Variants in LACTB observed in about 807,000 individuals in gnomAD.
LACTB encodes lactamase beta, also known as serine beta-lactamase-like protein LACTB, mitochondrial.
LACTB carries 35 observed loss-of-function variants against 50.2 expected under a neutral mutation model. The observed-to-expected ratio is 0.70, with a 90% CI of 0.53 to 0.92. The LOEUF is 0.92. LACTB is among the 40% of genes least tolerant of loss of function. The pLI is 0.00. For synonymous variants in LACTB, 252 were observed against 268.2 expected, an observed-to-expected ratio of 0.94 and a Z score of 0.59; for missense variants, 664 against 691.8, an observed-to-expected ratio of 0.96 and a Z score of 0.45.
Position 63,141,846 on chromosome 15 carries a change from T to C in LACTB, c.*41T>C. ...AGGTGCAAAATGAGTTGTTCTGAGG[T>C]TTTTTTGAAACATTAAAGTTCCAAA... is the stretch of plus-strand genomic sequence containing the variant. On this transcript the variant is annotated 3_prime_UTR_variant, in exon 6 of 6. Coordinates refer to ENST00000261893, the MANE Select transcript of LACTB (RefSeq NM_032857.5). 1 of 1,510,428 alleles carries C rather than the reference T, an allele frequency of 6.6e-7. No individual in the cohort carries two copies. The highest frequency in any genetic ancestry group is 1.2e-5 in the South Asian group (1 of 80,612). 93.6% of individuals were successfully genotyped at this position (1,510,428 alleles called of 1,614,324 possible).
At chr15:63,127,945 A>G (rs374678370) in intron 4 of LACTB, among the ~76,000 whole-genome samples, 7 of 152,338 alleles carry the variant, frequency 4.6e-5, no homozygotes, top group East Asian at 1.9e-4. Context: ...AAACTTATGG[A>G]GAAATGTTGG....
At chr15:63,137,582 G>C (rs887363832) in intron 5 of LACTB, among the ~76,000 whole-genome samples, 6 of 152,132 alleles carry the variant, frequency 3.9e-5, no homozygotes, top group Non-Finnish European at 8.8e-5. Context: ...CGTGTAAAAT[G>C]AGTTATCCAT....
At chr15:63,139,607 C>T (rs1057448775) in intron 5 of LACTB, among the ~76,000 whole-genome samples, 14 of 151,456 alleles carry the variant, frequency 9.2e-5, no homozygotes, top group Admixed American at 3.3e-4. Context: ...GAGCCAAGAT[C>T]GCGCCATTGC....
At chr15:63,124,630 C>T (rs2037024154) in intron 2 of LACTB, among the ~76,000 whole-genome samples, 1 of 151,858 alleles carries the variant, frequency 6.6e-6, no homozygotes, top group African/African-American at 2.4e-5. Context: ...ATTGGTCATC[C>T]TAGGTTTCTA....
At chr15:63,133,266 C>A (rs753170195) in intron 5 of LACTB, among the ~76,000 whole-genome samples, 2 of 152,272 alleles carry the variant, frequency 1.3e-5, no homozygotes, top group South Asian at 4.1e-4. Context: ...TTAATTTATG[C>A]TTTCTCTTAT....
At chr15:63,141,191 C>G in intron 5 of LACTB, 89 bp from the exon 6 acceptor site, 1 of 1,456,972 alleles carries the variant, frequency 6.9e-7, no homozygotes, top group Non-Finnish European at 9.1e-7. Context: ...CATTGAAATA[C>G]AATCTCTCTC....
At position 63,122,112 on chromosome 15, in the gene LACTB, G is replaced by A. The variant is rs1474135633; in HGVS notation, c.241G>A (p.Glu81Lys). ...APDPEASPLAEPPQEQSLAPW... is the reference protein window; with the variant it reads ...APDPEASPLAKPPQEQSLAPW... ...CGACCCTGAGGCGTCGCCTCTGGCC[G>A]AGCCGCCACAGGAGCAGTCCCTCGC... Residue 81 changes from glutamate to lysine, a missense_variant, in exon 1 of 6, where the codon GAG (glutamate) becomes AAG (lysine). Coordinates refer to ENST00000261893, the MANE Select transcript of LACTB (RefSeq NM_032857.5). 3 of 1,478,974 alleles carry A rather than the reference G, an allele frequency of 2.0e-6. No homozygotes were observed. Among genetic ancestry groups the A allele is most frequent in the East Asian group, 2.9e-5 (1 of 34,896 alleles). The allele number at this position is 1,478,974 out of a possible 1,614,324, so 91.6% of individuals were successfully genotyped here.
At chr15:63,136,607 C>A (rs1362016844) in intron 5 of LACTB, among the ~76,000 whole-genome samples, 1 of 151,784 alleles carries the variant, frequency 6.6e-6, no homozygotes, top group Non-Finnish European at 1.5e-5. Context: ...TCTATTTGGG[C>A]CTCTAAAACT....
intron 2 of LACTB, among the ~76,000 whole-genome samples, chr15:63,124,794 AAC>A (rs2037026879): frequency 6.6e-6 from 1 of 151,988 alleles, no homozygotes; most frequent in East Asian, 1.9e-4. Flanking sequence ...CTCTACTAAA[AAC>A]ACAAAAAATT....
At chr15:63,126,244 C>T (rs746136400) in intron 2 of LACTB, among the ~76,000 whole-genome samples, 5 of 152,116 alleles carry the variant, frequency 3.3e-5, no homozygotes, top group South Asian at 2.1e-4. Context: ...AAGGTTCAAG[C>T]GATTCTCCTG....
At chr15:63,134,859 G>A (rs1269491061) in intron 5 of LACTB, among the ~76,000 whole-genome samples, 3 of 151,288 alleles carry the variant, frequency 2.0e-5, no homozygotes, top group Non-Finnish European at 4.4e-5. Context: ...GTCAAAAGGA[G>A]AAATATATTC....
At position 63,141,364 on chromosome 15, in the gene LACTB, G is replaced by T; in HGVS notation, c.1203G>T (p.Leu401=). Residue 401 remains leucine (L), a synonymous_variant, in exon 6 of 6, where the codon CTG becomes CTT. Transcript: ENST00000261893. Reference sequence around the variant, plus strand: ...ATAAATGGGCTGGTGGTGGATTTCTGTCTACAGTGGGTGACCTTCTGAAAT... The same window carrying T: ...ATAAATGGGCTGGTGGTGGATTTCTTTCTACAGTGGGTGACCTTCTGAAAT... ...NSYKWAGGGF[L]STVGDLLKFG... 6.2e-7 allele frequency: 1 copy of T among 1,614,176 alleles called. No homozygotes were observed. Among genetic ancestry groups the T allele is most frequent in the Non-Finnish European group, 8.5e-7 (1 of 1,180,022 alleles).
chr15:63,124,700 C>T (rs1276886503), intron 2 of LACTB, among the ~76,000 whole-genome samples: 2 of 152,124 alleles, frequency 1.3e-5, no homozygotes, highest in East Asian at 3.8e-4. Flanking sequence ...CGCCTGTAAT[C>T]CTAGCACTTT....
chr15:63,131,134 T>TA (rs1430301896), intron 5 of LACTB: 1 of 152,062 alleles, frequency 6.6e-6, no homozygotes, highest in Non-Finnish European at 1.5e-5. Flanking sequence ...CTACTGAAAA[T>TA]ACAAAAAATC....
intron 5 of LACTB, among the ~76,000 whole-genome samples, chr15:63,137,404 A>G (rs143060163): frequency 6.6e-6 from 1 of 152,354 alleles, no homozygotes; most frequent in Non-Finnish European, 1.5e-5. Flanking sequence ...CTAATTTTAT[A>G]ACTAGATGGG....
chr15:63,125,070 C>T (rs998613129), intron 2 of LACTB, among the ~76,000 whole-genome samples: 6 of 152,040 alleles, frequency 3.9e-5, no homozygotes, highest in Non-Finnish European at 7.4e-5. Flanking sequence ...CCTGTAATCC[C>T]AGCGCTTAGG....
At chr15:63,137,919 G>C (rs1484213022) in intron 5 of LACTB, among the ~76,000 whole-genome samples, 1 of 152,184 alleles carries the variant, frequency 6.6e-6, no homozygotes, top group African/African-American at 2.4e-5. Context: ...AATACTAAAT[G>C]TTAAAGTGGG....
chr15:63,134,318 T>C (rs1438758277), intron 5 of LACTB, among the ~76,000 whole-genome samples: 1 of 152,166 alleles, frequency 6.6e-6, no homozygotes, highest in Admixed American at 6.6e-5. Flanking sequence ...GGCTGCTGCA[T>C]TAAAGGGGCA....
chr15:63,139,202 A>T (rs986801785), intron 5 of LACTB, among the ~76,000 whole-genome samples: 13 of 150,818 alleles, frequency 8.6e-5, no homozygotes, highest in Admixed American at 2.0e-4. Context: ...TCCAAAAAAA[A>T]AAAAAAAAAA....
Sources: allele counts gnomAD v4.1 joint callset (sites outside exome capture counted in the v4.1 genomes callset), GRCh38; gene constraint gnomAD v4.1.1; transcripts MANE v1.5; gene names NCBI Gene and HGNC (gene_info 2026-07-23, HGNC 2026-07-21).